CLASP2: variants seen among roughly 807,000 people sequenced by gnomAD.
CLASP2 encodes cytoplasmic linker associated protein 2.
A neutral mutation model predicts 194.4 loss-of-function variants in CLASP2; 47 were observed. The observed-to-expected ratio is 0.24, with a 90% CI of 0.19 to 0.31. The LOEUF (loss-of-function observed/expected upper bound fraction) is 0.31, where lower values mean the gene tolerates loss of function less well. Among genes scored for constraint, CLASP2 ranks in the 10% least tolerant of loss-of-function variants. The pLI, the probability that CLASP2 is intolerant of heterozygous loss-of-function variation, is 1.00. For synonymous variants in CLASP2, 619 were observed against 633.5 expected (o/e 0.98, Z 0.34); for missense variants, 1,445 against 1,823.6 (o/e 0.79, Z 3.78).
chr3:33,596,458 T>C (rs2070404767), intron 19 of CLASP2: 2 of 361,740 alleles, frequency 5.5e-6, no homozygotes, highest in Non-Finnish European at 1.0e-5. Flanking sequence ...TTCTAAGAGC[T>C]CAGGCAAACA....
chr3:33,508,358 T>C (rs1217801621), intron 37 of CLASP2, among the ~76,000 whole-genome samples: 1 of 151,004 alleles, frequency 6.6e-6, no homozygotes, highest in Admixed American at 6.6e-5. Flanking sequence ...GGAGATGGAG[T>C]CTCACTCTGT....
At chr3:33,617,540 A>G (rs751504473) in intron 12 of CLASP2, among the ~76,000 whole-genome samples, 5 of 152,198 alleles carry the variant, frequency 3.3e-5, no homozygotes, top group Admixed American at 6.5e-5. Context: ...TGTTTTAACT[A>G]TAACAAAACC....
intron 38 of CLASP2, among the ~76,000 whole-genome samples, chr3:33,500,338 A>G (rs1302635808): frequency 6.6e-6 from 1 of 152,036 alleles, no homozygotes; most frequent in Admixed American, 6.6e-5. Context: ...TGTTTCATCT[A>G]ACGTTATTCC....
At chr3:33,663,351 TC>T in intron 7 of CLASP2, 93 bp downstream of exon 7, 1 of 797,858 alleles carries the variant, frequency 1.3e-6, no homozygotes, top group Non-Finnish European at 1.9e-6. Flanking sequence ...AGCCACAAAA[TC>T]AACTCTTTTG....
intron 10 of CLASP2, among the ~76,000 whole-genome samples, chr3:33,623,717 A>C (rs964625542): frequency 4.6e-5 from 7 of 152,170 alleles, no homozygotes; most frequent in Non-Finnish European, 7.3e-5. Flanking sequence ...GATTTTTGTG[A>C]ATAGTGCTGC....
At position 33,667,406 on chromosome 3, in the gene CLASP2, C is replaced by CAAAAAAAAAAAAAAAAAAAA. The variant is rs537846651; in HGVS notation, c.645-3911_645-3892dup. On this transcript the variant is annotated intron_variant, in intron 6 of 38. Coordinates refer to ENST00000682230, the MANE Select transcript of CLASP2 (RefSeq NM_001365631.1). ...CCTGGGTGACAGAGTGAGACTATCT[C>CAAAAAAAAAAAAAAAAAAAA]AAAAAAAAAAAAAAAAAAAAAAGAC... Among the ~76,000 whole-genome samples, 32 of 44,118 alleles carry CAAAAAAAAAAAAAAAAAAAA rather than the reference C, an allele frequency of 7.3e-4. 5 individuals are homozygous for CAAAAAAAAAAAAAAAAAAAA. Among genetic ancestry groups the CAAAAAAAAAAAAAAAAAAAA allele is most frequent in the African/African-American group, 2.9e-3 (27 of 9,284 alleles). The allele number at this position is 44,118 out of a possible 152,430, so 28.9% of individuals were successfully genotyped here. A position where few individuals can be genotyped will look rare whatever the true frequency, so the allele number is the denominator to read the frequency against.
Position 33,712,520 on chromosome 3 carries a change from T to TA in CLASP2, c.195+5287dup, listed in dbSNP as rs1228536047. ...ACTGAAATTATAATAAATTTTTTTTTAAAAAAAGAATGGATGTAAGGATAT... is the reference window on the plus strand; with the variant it reads ...ACTGAAATTATAATAAATTTTTTTTTAAAAAAAAGAATGGATGTAAGGATAT... On this transcript the variant is annotated intron_variant, in intron 1 of 38. Coordinates refer to ENST00000682230, the MANE Select transcript of CLASP2 (RefSeq NM_001365631.1). Among the ~76,000 whole-genome samples the TA allele has an allele frequency of 5.9e-5, 9 of 151,894 alleles. No homozygotes were observed. The East Asian group carries it at 1.4e-3, about 24-fold the overall frequency.
In CLASP2 at chr3:33,692,747, T is replaced by C. The variant is rs1462610443; in HGVS notation, c.275-2815A>G. Among the ~76,000 whole-genome samples the C allele has an allele frequency of 3.9e-5, 6 of 152,272 alleles. No individual in the cohort carries two copies. The South Asian group carries it at 6.2e-4, about 16-fold the overall frequency. On this transcript the variant is annotated intron_variant, in intron 2 of 38. Transcript: ENST00000682230. ...TTTAATATGATGAATATTCAACAAA[T>C]ATTTATTGGGTATCCAGAACAGAAT...
In CLASP2 at chr3:33,573,198, G is replaced by C; in HGVS notation, c.2611C>G (p.Leu871Val). ...CAATTGGAACTAGCACATCTATTGAGGACTTCTGCCACATCTTCCGTCTGC... is the reference window on the plus strand; with the variant it reads ...CAATTGGAACTAGCACATCTATTGACGACTTCTGCCACATCTTCCGTCTGC... Reference protein sequence around the residue: ...MRQTEDVAEVLNRCASSNWSE... With the variant: ...MRQTEDVAEVVNRCASSNWSE... The change falls in exon 25 of 39, where the codon CTC (leucine) becomes GTC (valine). Residue 871 changes from leucine to valine, a missense_variant. By Grantham distance (32) the Leu-to-Val change is conservative. Around this residue, in one of 4 missense-constraint regions of CLASP2, gnomAD observed 732 missense variants for 987.9 expected, o/e 0.74. Transcript: ENST00000682230. The C allele has an allele frequency of 1.2e-6, 2 of 1,613,818 alleles. No homozygotes were observed. Among genetic ancestry groups the C allele is most frequent in the Admixed American group, 1.7e-5 (1 of 60,022 alleles).
chr3:33,648,430 G>A lies in CLASP2; in HGVS notation c.716-3527C>T, dbSNP rs550797577. On this transcript the variant is annotated intron_variant, in intron 7 of 38. Transcript: ENST00000682230. Reference sequence around the variant, plus strand: ...AATAATGAGAAAGCGGTTATTCCACGGGAAAAAAATCAGAACCCTGAATAT... The same window carrying A: ...AATAATGAGAAAGCGGTTATTCCACAGGAAAAAAATCAGAACCCTGAATAT... 1.3e-4 allele frequency among the ~76,000 whole-genome samples: 19 copies of A among 151,664 alleles called. No individual in the cohort carries two copies. In the East Asian group the frequency reaches 2.7e-3, roughly 22 times the overall value.
chr3:33,515,137 C>T lies in CLASP2; in HGVS notation c.4110+886G>A, dbSNP rs560978972. On this transcript the variant is annotated intron_variant, in intron 36 of 38. Coordinates refer to ENST00000682230, the MANE Select transcript of CLASP2 (RefSeq NM_001365631.1). Reference sequence around the variant, plus strand: ...GGTACAGTGTACACCGCTAGGGTGACGGATGCACCAAAATCTCAGAAATCA... The same window carrying T: ...GGTACAGTGTACACCGCTAGGGTGATGGATGCACCAAAATCTCAGAAATCA... Among the ~76,000 whole-genome samples the T allele has an allele frequency of 3.9e-5, 6 of 152,184 alleles. No individual in the cohort carries two copies. The South Asian group carries it at 1.0e-3, about 26-fold the overall frequency.
At chr3:33,635,242 G>A (rs1316052469) in intron 8 of CLASP2, among the ~76,000 whole-genome samples, 1 of 151,916 alleles carries the variant, frequency 6.6e-6, no homozygotes, top group Non-Finnish European at 1.5e-5. Context: ...CTCCAGCCTG[G>A]GTGACAGAGC....
rs535701093 is a variant in CLASP2 at position 33,663,066 on chromosome 3, C to G, written c.715+379G>C. ...GATATAATAGAACCCATCAACCCCA[C>G]AATTTCTATTAAAGACAACTAAGTA... is the stretch of plus-strand genomic sequence containing the variant. On this transcript the variant is annotated intron_variant, in intron 7 of 38. Transcript: ENST00000682230. 2.0e-5 allele frequency among the ~76,000 whole-genome samples: 3 copies of G among 152,026 alleles called. No individual in the cohort carries two copies. The South Asian group carries it at 6.2e-4, about 32-fold the overall frequency.
At chr3:33,669,253 C>T (rs1410560197) in intron 6 of CLASP2, among the ~76,000 whole-genome samples, 3 of 152,096 alleles carry the variant, frequency 2.0e-5, no homozygotes, top group Admixed American at 6.5e-5. Flanking sequence ...TTTATCATTG[C>T]ATTTGCCAAC....
intron 6 of CLASP2, chr3:33,683,400 G>C (rs1404731933): frequency 6.6e-6 from 1 of 152,206 alleles, no homozygotes; most frequent in Non-Finnish European, 1.5e-5. Context: ...TTGAGCTCCG[G>C]AGTTCAAGAC....
At chr3:33,608,742 A>ATT in intron 13 of CLASP2, 116 bp from the exon 14 acceptor site, 21 of 300,024 alleles carry the variant, frequency 7.0e-5, no homozygotes, top group South Asian at 1.9e-4. Context: ...GTTTTTAGAT[A>ATT]TCTTTTTTTT....
At chr3:33,676,625 T>G (rs2088701504) in intron 6 of CLASP2, among the ~76,000 whole-genome samples, 1 of 152,038 alleles carries the variant, frequency 6.6e-6, no homozygotes, top group Admixed American at 6.6e-5. Flanking sequence ...GGCATTACCA[T>G]TCAGGACATA....
At chr3:33,565,391 G>A (rs2062531712) in intron 27 of CLASP2, among the ~76,000 whole-genome samples, 1 of 151,818 alleles carries the variant, frequency 6.6e-6, no homozygotes, top group African/African-American at 2.4e-5. Context: ...ATGTTGGCCT[G>A]GCTGGTCTCA....
At position 33,643,858 on chromosome 3, in the gene CLASP2, T is replaced by C. The variant is rs951009376; in HGVS notation, c.862+899A>G. 2.6e-5 allele frequency among the ~76,000 whole-genome samples: 4 copies of C among 151,818 alleles called. No individual in the cohort carries two copies. In the East Asian group the frequency reaches 5.8e-4, roughly 22 times the overall value. On this transcript the variant is annotated intron_variant, in intron 8 of 38. Coordinates refer to ENST00000682230, the MANE Select transcript of CLASP2 (RefSeq NM_001365631.1). ...TTTTGGTTTTTAATAAAAAGAACTATAGACAAAAAGAAAAAACAAAAATCC... is the reference window on the plus strand; with the variant it reads ...TTTTGGTTTTTAATAAAAAGAACTACAGACAAAAAGAAAAAACAAAAATCC...
Sources: allele counts gnomAD v4.1 joint callset (sites outside exome capture counted in the v4.1 genomes callset), GRCh38; gene constraint gnomAD v4.1.1; regional missense constraint gnomAD v4.1.1; transcripts MANE v1.5; gene names NCBI Gene and HGNC (gene_info 2026-07-23, HGNC 2026-07-21).